The following DNAH17 variants were observed in gnomAD, a reference collection of about 807,000 sequenced individuals.
DNAH17 encodes axonemal beta dynein heavy chain 17.
In DNAH17, 376 loss-of-function variants were observed where a neutral mutation model predicts 485.6. That is an observed-to-expected ratio of 0.77 (90% CI 0.71 to 0.84). The LOEUF is 0.84. Ranked by LOEUF, DNAH17 falls within the 40% of genes least tolerant of loss-of-function variation. DNAH17 has a pLI of 0.00. For missense variants in DNAH17, 6,370 were observed against 5,839.3 expected, an observed-to-expected ratio of 1.09 and a Z score of -2.96; for synonymous variants, 3,031 against 2,405.9, an observed-to-expected ratio of 1.26 and a Z score of -7.60.
chr17:78,450,618 G>T, intron 67 of DNAH17, 64 bp downstream of exon 67: 4 of 1,552,550 alleles, frequency 2.6e-6, no homozygotes, highest in Non-Finnish European at 3.5e-6. Flanking sequence ...GGGAGGCGCC[G>T]ATCGCCCGTG....
At chr17:78,437,086 A>T (rs2086873161) in intron 74 of DNAH17, among the ~76,000 whole-genome samples, 1 of 152,178 alleles carries the variant, frequency 6.6e-6, no homozygotes, top group Non-Finnish European at 1.5e-5. Context: ...GCAGAGGAGG[A>T]CCGGGCTCCC....
intron 19 of DNAH17, among the ~76,000 whole-genome samples, chr17:78,534,042 G>T (rs538670452): frequency 6.6e-6 from 1 of 152,172 alleles, no homozygotes; most frequent in Admixed American, 6.5e-5. Flanking sequence ...AGGAAGAGCC[G>T]GCCTTTCCCA....
At position 78,501,891 on chromosome 17, in the gene DNAH17, T is replaced by C; in HGVS notation, c.5191-18A>G. 2 of 1,613,690 alleles carry C rather than the reference T, an allele frequency of 1.2e-6. 1 individual carries two copies. The highest frequency in any genetic ancestry group is 3.3e-4 in the Middle Eastern group (2 of 6,060). On this transcript the variant is annotated intron_variant, in intron 33 of 80. Transcript: ENST00000389840. ...TGGCTAATCTGCGGGGGAGAGTGCCTTCGATGAGACACCACGGGTGCCCAC... is the reference window on the plus strand; with the variant it reads ...TGGCTAATCTGCGGGGGAGAGTGCCCTCGATGAGACACCACGGGTGCCCAC...
At chr17:78,570,127 G>T in intron 7 of DNAH17, 120 bp downstream of exon 7, 2 of 1,188,186 alleles carry the variant, frequency 1.7e-6, no homozygotes, top group South Asian at 1.6e-5. Flanking sequence ...AAAGGCTTGT[G>T]CTGACATCTT....
At chr17:78,428,413 G>A in intron 77 of DNAH17, 112 bp downstream of exon 77, 3 of 1,319,092 alleles carry the variant, frequency 2.3e-6, no homozygotes, top group Non-Finnish European at 3.2e-6. Context: ...GGCTGGGGCA[G>A]AGTGTACCTC....
rs1305125184 is a variant in DNAH17 at position 78,552,733 on chromosome 17, A to G, written c.2251T>C (p.Leu751=). ...SELEAIDVKL[L]SAETTLFWNG... is the part of the protein sequence containing the mutation. ...CAGAATAATGTCGTTTCAGCGCTCA[A>G]TAACTTGACATCAATTGCTTCCAGT... Residue 751 remains leucine, a synonymous_variant, in exon 15 of 81, where the codon TTG becomes CTG. Coordinates refer to ENST00000389840, the MANE Select transcript of DNAH17 (RefSeq NM_173628.4). The G allele has an allele frequency of 1.2e-6, 2 of 1,613,924 alleles. No individual in the cohort carries two copies. Among genetic ancestry groups the G allele is most frequent in the Non-Finnish European group, 1.7e-6 (2 of 1,179,830 alleles).
intron 16 of DNAH17, among the ~76,000 whole-genome samples, chr17:78,548,196 C>T (rs1271777590): frequency 4.6e-5 from 5 of 107,652 alleles, no homozygotes; most frequent in African/African-American, 1.1e-4. Flanking sequence ...TCGTAGATGT[C>T]ATGGCCTTTT....
chr17:78,528,846 A>G (rs1049110233), intron 22 of DNAH17, among the ~76,000 whole-genome samples: 1 of 151,850 alleles, frequency 6.6e-6, no homozygotes, highest in African/African-American at 2.4e-5. Context: ...ATCCCTCCCC[A>G]GGGTCCCCCT....
In DNAH17 at chr17:78,563,662, A is replaced by G. The variant is rs774469717; in HGVS notation, c.1570-1682T>C. 7.9e-5 allele frequency among the ~76,000 whole-genome samples: 12 copies of G among 152,114 alleles called. No individual in the cohort carries two copies. The South Asian group carries it at 1.0e-3, about 13-fold the overall frequency. ...GACTTTTGGAAAGGAAGCGAATTCT[A>G]TTTTCCGCCAAAAGGAGATCATGTG... On this transcript the variant is annotated intron_variant, in intron 11 of 80. Coordinates refer to ENST00000389840, the MANE Select transcript of DNAH17 (RefSeq NM_173628.4).
intron 56 of DNAH17, among the ~76,000 whole-genome samples, chr17:78,465,313 C>T (rs2088369745): frequency 6.6e-6 from 1 of 151,834 alleles, no homozygotes; most frequent in Non-Finnish European, 1.5e-5. Context: ...GCCTTGGCCT[C>T]CCAAGGTGCC....
At chr17:78,566,554 A>C in intron 11 of DNAH17, 60 bp downstream of exon 11, 1 of 1,250,172 alleles carries the variant, frequency 8.0e-7, no homozygotes, top group Non-Finnish European at 1.1e-6. Context: ...CGTTCTCGAC[A>C]TGAATCCACC....
At position 78,570,380 on chromosome 17, in the gene DNAH17, G is replaced by T; in HGVS notation, c.919-8C>A. 2 of 1,609,320 alleles carry T rather than the reference G, an allele frequency of 1.2e-6. No individual in the cohort carries two copies. Among genetic ancestry groups the T allele is most frequent in the Non-Finnish European group, 1.7e-6 (2 of 1,178,478 alleles). ...GGCAATGAAGGTGGGGAGCTGGGGG[G>T]AGACAGGCCCAGGCACACTGGAGGG... On this transcript the variant is annotated splice_region_variant and splice_polypyrimidine_tract_variant and intron_variant, in intron 6 of 80. Coordinates refer to ENST00000389840, the MANE Select transcript of DNAH17 (RefSeq NM_173628.4).
chr17:78,572,826 G>T lies in DNAH17; in HGVS notation c.414C>A (p.Ile138=), dbSNP rs189292979. 10 of 1,613,924 alleles carry T rather than the reference G, an allele frequency of 6.2e-6. No homozygotes were observed. The highest frequency in any genetic ancestry group is 4.0e-5 in the African/African-American group (3 of 75,048). Residue 138 remains isoleucine, a synonymous_variant, in exon 3 of 81, where the codon ATC becomes ATA. Transcript: ENST00000389840. ...TCTTCAGCCTGTGGACCTGCTTCAC[G>T]ATGTCTTCCGAGACCACCTGGGGCC... ...AGWPQVVSED[I]VKQVHRLKNE... is the part of the protein sequence containing the mutation.
chr17:78,561,569 A>T, intron 12 of DNAH17, 146 bp downstream of exon 12: 1 of 985,940 alleles, frequency 1.0e-6, no homozygotes, highest in Non-Finnish European at 1.4e-6. Context: ...AGGGAGGACC[A>T]GAAGGGGTCT....
chr17:78,517,785 T>C (rs2090827699), intron 25 of DNAH17, among the ~76,000 whole-genome samples: 1 of 152,242 alleles, frequency 6.6e-6, no homozygotes, highest in Admixed American at 6.5e-5. Context: ...GCCCTGTTAC[T>C]TCCAGCTTCT....
intron 47 of DNAH17, 86 bp downstream of exon 47, chr17:78,485,464 C>A (rs1462481055): frequency 2.3e-6 from 3 of 1,325,782 alleles, no homozygotes; most frequent in African/African-American, 1.4e-5. Flanking sequence ...TAGTGAGTGC[C>A]TGGGCCTGCA....
In DNAH17 at chr17:78,455,661, A is replaced by C. The variant is rs1444622201; in HGVS notation, c.10153T>G (p.Tyr3385Asp). 1.9e-6 allele frequency: 3 copies of C among 1,555,766 alleles called. No individual in the cohort carries two copies. The highest frequency in any genetic ancestry group is 2.6e-6 in the Non-Finnish European group (3 of 1,149,576). ...NELMEKFWIP[Y>D]IHNLKVPIPI... ...CTCCTTACCTTTAAGTTATGTATGTAAGGGATCCAGAATTTCTCCATCAGC... is the reference window on the plus strand; with the variant it reads ...CTCCTTACCTTTAAGTTATGTATGTCAGGGATCCAGAATTTCTCCATCAGC... The change falls in exon 63 of 81, where the codon TAC becomes GAC. Residue 3385 changes from tyrosine to aspartate, a missense_variant. Tyr to Asp is a radical substitution (Grantham distance 160, BLOSUM62 -3). Transcript: ENST00000389840.
At position 78,532,630 on chromosome 17, in the gene DNAH17, C is replaced by T. The variant is rs754128346; in HGVS notation, c.2966G>A (p.Arg989Lys). 114 of 1,602,408 alleles carry T rather than the reference C, an allele frequency of 7.1e-5. 1 individual carries two copies. The Admixed American group carries it at 1.5e-3, about 22-fold the overall frequency. The change falls in exon 20 of 81, where the codon AGG (arginine) becomes AAG (lysine). Residue 989 changes from arginine (R) to lysine (K), a missense_variant. Coordinates refer to ENST00000389840, the MANE Select transcript of DNAH17 (RefSeq NM_173628.4). Reference protein sequence around the residue: ...EAEEYQDSFERYSYLWTDNLQ... With the variant: ...EAEEYQDSFEKYSYLWTDNLQ... ...GTTGTCCGTCCAGAGGTAGGAGTAC[C>T]TCTCAAAGGAATCCTGGTACTCCTC...
At chr17:78,472,920 G>C (rs1159125351) in intron 54 of DNAH17, 2 of 304,684 alleles carry the variant, frequency 6.6e-6, no homozygotes, top group Non-Finnish European at 1.3e-5. Context: ...TCTATCCCCT[G>C]ATCAGACATC....
Sources: gnomAD v4.1 joint callset for allele counts (sites outside exome capture counted in the v4.1 genomes callset) on GRCh38, gnomAD v4.1.1 for gene constraint, MANE v1.5 for transcripts, NCBI Gene and HGNC (gene_info 2026-07-23, HGNC 2026-07-21) for gene names.